Variants in PROM1 observed in about 807,000 individuals in gnomAD.
PROM1 encodes prominin 1, also known as prominin-1.
Under a neutral mutation model 116.9 loss-of-function variants are expected in PROM1, and 105 were observed. The ratio of observed to expected loss-of-function variants is 0.90; its 90% confidence interval spans 0.77 to 1.06. The LOEUF (loss-of-function observed/expected upper bound fraction) is 1.06, where lower values mean the gene tolerates loss of function less well. Ranked by LOEUF, PROM1 falls within the 50% of genes least tolerant of loss-of-function variation. The probability of loss-of-function intolerance (pLI) is 0.00; values close to 1 mark genes in which losing one functional copy is unlikely to be tolerated. For missense variants in PROM1, 1,122 were observed against 1,045.2 expected (o/e 1.07, Z -1.01); for synonymous variants, 393 against 387.0 (o/e 1.02, Z -0.18).
intron 26 of PROM1, chr4:15,976,150 T>C (rs1298922362): frequency 1.1e-5 from 5 of 454,544 alleles, no homozygotes; most frequent in Non-Finnish European, 2.2e-5. Flanking sequence ...GCTTCATTTA[T>C]GTATTTAATA....
At chr4:16,049,329 T>G (rs1469764972) in intron 2 of PROM1, among the ~76,000 whole-genome samples, 1 of 152,182 alleles carries the variant, frequency 6.6e-6, no homozygotes, top group East Asian at 1.9e-4. Flanking sequence ...CCTGTTCTGT[T>G]CTACATGGAA....
chr4:16,008,055 T>C (rs1241010246), intron 12 of PROM1, among the ~76,000 whole-genome samples: 1 of 152,182 alleles, frequency 6.6e-6, no homozygotes, highest in African/African-American at 2.4e-5. Context: ...TTAAAAGAAA[T>C]GTGCAGAAAG....
At chr4:16,055,541 C>T in intron 2 of PROM1, 1 of 412,592 alleles carries the variant, frequency 2.4e-6, no homozygotes, top group South Asian at 1.8e-5. Flanking sequence ...AGCCTAATAC[C>T]AATTCACGGT....
chr4:16,013,448 C>T (rs1727440907), intron 10 of PROM1, 110 bp from the exon 11 acceptor site: 1 of 727,356 alleles, frequency 1.4e-6, no homozygotes, highest in Non-Finnish European at 2.4e-6. Context: ...AAAAATATAA[C>T]ATTCATCTTA....
intron 5 of PROM1, among the ~76,000 whole-genome samples, chr4:16,028,393 C>G (rs1223867880): frequency 1.3e-5 from 2 of 152,094 alleles, no homozygotes; most frequent in Non-Finnish European, 2.9e-5. Context: ...ACCATGATGG[C>G]AGATAAATAT....
intron 3 of PROM1, among the ~76,000 whole-genome samples, chr4:16,037,015 T>TATTAGA (rs1387953878): frequency 1.3e-5 from 2 of 151,976 alleles, no homozygotes; most frequent in African/African-American, 2.4e-5. Context: ...TAAACCAAGG[T>TATTAGA]TATGGGAGTG....
chr4:16,066,998 T>C (rs977845324), intron 2 of PROM1, among the ~76,000 whole-genome samples: 2 of 152,178 alleles, frequency 1.3e-5, no homozygotes, highest in Non-Finnish European at 2.9e-5. Flanking sequence ...AGGATGAGTT[T>C]TTCAGTTTGG....
intron 10 of PROM1, among the ~76,000 whole-genome samples, chr4:16,015,863 A>T (rs1728248418): frequency 6.6e-6 from 1 of 152,144 alleles, no homozygotes; most frequent in South Asian, 2.1e-4. Context: ...AGCATTTTGT[A>T]TCAGAATCAG....
rs1721282660 is a variant in PROM1, at chr4:15,992,375, C to T, written c.1784G>A (p.Ser595Asn). ...LNINEHTGSI[S>N]SELESLKVNL... is the part of the protein sequence containing the mutation. ...TACCTTCAGACTTTCCAATTCACTGCTTATGCTTCCAGTATGCTGCGAAAA... is the reference window on the plus strand; with the variant it reads ...TACCTTCAGACTTTCCAATTCACTGTTTATGCTTCCAGTATGCTGCGAAAA... Residue 595 changes from serine to asparagine, a missense_variant, in exon 17 of 28, where the codon AGC becomes AAC. Physicochemically the swap from Ser to Asn is conservative, Grantham distance 46. Coordinates refer to ENST00000447510, the MANE Select transcript of PROM1 (RefSeq NM_006017.3). 6.2e-7 allele frequency: 1 copy of T among 1,613,634 alleles called. No individual in the cohort carries two copies. The highest frequency in any genetic ancestry group is 2.2e-5 in the East Asian group (1 of 44,866).
rs748286968 is a variant in PROM1, at chr4:16,023,441, G to A, written c.695-26C>T. 6.5e-6 allele frequency: 10 copies of A among 1,534,576 alleles called. No homozygotes were observed. The South Asian group carries it at 1.2e-4, about 18-fold the overall frequency. On this transcript the variant is annotated intron_variant, in intron 7 of 27. Transcript: ENST00000447510. ...CTACATGCAAATAAGCACAAAGATG[G>A]TGAGGGTGGCCTCTGCTCATCTCTC... is the stretch of plus-strand genomic sequence containing the variant.
intron 2 of PROM1, among the ~76,000 whole-genome samples, chr4:16,052,256 C>T (rs1238678851): frequency 1.3e-5 from 2 of 152,180 alleles, no homozygotes; most frequent in Non-Finnish European, 2.9e-5. Flanking sequence ...TACATCTCCA[C>T]GTCTCCAGCC....
At chr4:16,006,180 A>AAATGAATG (rs999134831) in intron 13 of PROM1, among the ~76,000 whole-genome samples, 1 of 152,260 alleles carries the variant, frequency 6.6e-6, no homozygotes, top group Non-Finnish European at 1.5e-5. Context: ...GTGAGTGAAT[A>AAATGAATG]AATGAATGAA....
chr4:15,994,075 T>G lies in PROM1; in HGVS notation c.1683-4A>C. 3 of 1,613,932 alleles carry G rather than the reference T, an allele frequency of 1.9e-6. No individual in the cohort carries two copies. The highest frequency in any genetic ancestry group is 2.5e-6 in the Non-Finnish European group (3 of 1,179,850). On this transcript the variant is annotated splice_region_variant and splice_polypyrimidine_tract_variant and intron_variant, in intron 15 of 27. Coordinates refer to ENST00000447510, the MANE Select transcript of PROM1 (RefSeq NM_006017.3). ...GCCTCTATTTTTTTTGCAGTCACTG[T>G]GGGAATGAACAGAGAAATTAGGACC...
At chr4:16,002,801 C>T (rs1265147633) in intron 13 of PROM1, among the ~76,000 whole-genome samples, 2 of 152,176 alleles carry the variant, frequency 1.3e-5, no homozygotes, top group African/African-American at 4.8e-5. Flanking sequence ...CATACAGTCA[C>T]TATCTCCAGC....
rs911295313 is a variant in PROM1, at chr4:16,016,210, C to T, written c.1033G>A (p.Val345Ile). 7 of 1,554,152 alleles carry T rather than the reference C, an allele frequency of 4.5e-6. No individual in the cohort carries two copies. The highest frequency in any genetic ancestry group is 2.4e-5 in the East Asian group (1 of 41,396). Residue 345 changes from valine (V) to isoleucine (I), a missense_variant, in exon 10 of 28, where the codon GTT becomes ATT. Transcript: ENST00000447510. Reference protein sequence around the residue: ...LPPVDAELDNVNNVLRTDLDG... With the variant: ...LPPVDAELDNINNVLRTDLDG... Reference sequence around the variant, plus strand: ...AAATCTGTCCTAAGAACGTTATTAACGTTGTCAAGTTCTGCATCCACGGGT... The same window carrying T: ...AAATCTGTCCTAAGAACGTTATTAATGTTGTCAAGTTCTGCATCCACGGGT...
intron 2 of PROM1, among the ~76,000 whole-genome samples, chr4:16,042,399 CA>C (rs1164817008): frequency 6.6e-6 from 1 of 152,118 alleles, no homozygotes; most frequent in African/African-American, 2.4e-5. Context: ...CATCATGTCA[CA>C]AAAGCCTGCG....
chr4:15,970,150 AAC>A (rs1331158274), intron 27 of PROM1, among the ~76,000 whole-genome samples: 2 of 151,728 alleles, frequency 1.3e-5, no homozygotes, highest in Non-Finnish European at 2.9e-5. Flanking sequence ...ACTCTAAAAA[AAC>A]ACTTTCTTTT....
intron 2 of PROM1, among the ~76,000 whole-genome samples, chr4:16,048,525 C>T (rs913974220): frequency 8.5e-5 from 13 of 152,068 alleles, no homozygotes; most frequent in African/African-American, 3.1e-4. Flanking sequence ...CGAATGTATC[C>T]CCGGTGCCTC....
At chr4:16,041,220 A>C (rs1032701513) in intron 2 of PROM1, among the ~76,000 whole-genome samples, 1 of 152,270 alleles carries the variant, frequency 6.6e-6, no homozygotes, top group African/African-American at 2.4e-5. Context: ...GCTGATACTC[A>C]TTATATTCTT....
Sources: gnomAD v4.1 joint callset for allele counts (sites outside exome capture counted in the v4.1 genomes callset) on GRCh38, gnomAD v4.1.1 for gene constraint, MANE v1.5 for transcripts, NCBI Gene and HGNC (gene_info 2026-07-23, HGNC 2026-07-21) for gene names.